MAN1A1: variants seen among roughly 807,000 people sequenced by gnomAD.
The protein encoded by MAN1A1 is mannosidase alpha class 1A member 1.
Under a neutral mutation model 70.8 loss-of-function variants are expected in MAN1A1, and 29 were observed. The observed-to-expected ratio is 0.41, with a 90% CI of 0.31 to 0.56. The LOEUF (loss-of-function observed/expected upper bound fraction) is 0.56, where lower values mean the gene tolerates loss of function less well. Ranked by LOEUF, MAN1A1 falls within the 20% of genes least tolerant of loss-of-function variation. The probability of loss-of-function intolerance (pLI) is 0.29; values close to 1 mark genes in which losing one functional copy is unlikely to be tolerated. For synonymous variants in MAN1A1, 349 were observed against 330.1 expected, an observed-to-expected ratio of 1.06 and a Z score of -0.62; for missense variants, 747 against 841.3, an observed-to-expected ratio of 0.89 and a Z score of 1.39.
At position 119,290,768 on chromosome 6, in the gene MAN1A1, G is replaced by T; in HGVS notation, c.817-5C>A. 2 of 1,588,416 alleles carry T rather than the reference G, an allele frequency of 1.3e-6. No individual in the cohort carries two copies. The highest frequency in any genetic ancestry group is 8.6e-7 in the Non-Finnish European group (1 of 1,162,116). ...AAAGACAGAAATTTCAGCATTCTAT[G>T]GAAAAAAAAAATTCAAACATGATGA... On this transcript the variant is annotated splice_region_variant and splice_polypyrimidine_tract_variant and intron_variant, in intron 4 of 12. Coordinates refer to ENST00000368468, the MANE Select transcript of MAN1A1 (RefSeq NM_005907.4).
intron 5 of MAN1A1, among the ~76,000 whole-genome samples, chr6:119,276,426 T>C (rs1776066535): frequency 1.3e-5 from 2 of 152,230 alleles, no homozygotes; most frequent in East Asian, 3.9e-4. Flanking sequence ...GCTTAACACA[T>C]TTGCTGAATA....
chr6:119,337,175 A>C (rs533149862), intron 2 of MAN1A1, among the ~76,000 whole-genome samples: 19 of 152,302 alleles, frequency 1.2e-4, no homozygotes, highest in African/African-American at 4.6e-4. Flanking sequence ...TCATTCTGGA[A>C]AACAACTTGA....
intron 9 of MAN1A1, among the ~76,000 whole-genome samples, chr6:119,190,086 T>C (rs928854438): frequency 2.0e-5 from 3 of 152,226 alleles, no homozygotes; most frequent in Admixed American, 2.0e-4. Context: ...TTAGTCAGAA[T>C]TAACACTGCT....
At chr6:119,203,162 C>T (rs754079442) in intron 7 of MAN1A1, among the ~76,000 whole-genome samples, 13 of 152,246 alleles carry the variant, frequency 8.5e-5, no homozygotes, top group East Asian at 1.9e-4. Flanking sequence ...AAATAAATTT[C>T]GGTTGTTTCT....
chr6:119,242,373 C>T (rs1459205649), intron 6 of MAN1A1, among the ~76,000 whole-genome samples: 2 of 152,068 alleles, frequency 1.3e-5, no homozygotes, highest in African/African-American at 2.4e-5. Context: ...AGCTTGAGCA[C>T]GGAGCCACCA....
At chr6:119,252,406 C>T (rs1050343693) in intron 5 of MAN1A1, among the ~76,000 whole-genome samples, 1 of 152,106 alleles carries the variant, frequency 6.6e-6, no homozygotes, top group Non-Finnish European at 1.5e-5. Context: ...TATTTGAGTT[C>T]AAAATGGGTG....
chr6:119,233,841 T>G (rs1774760005), intron 6 of MAN1A1, among the ~76,000 whole-genome samples: 1 of 152,224 alleles, frequency 6.6e-6, no homozygotes, highest in African/African-American at 2.4e-5. Context: ...GTATTGCGGA[T>G]TATGAGTTAT....
chr6:119,334,913 C>T (rs1487969070), intron 2 of MAN1A1, among the ~76,000 whole-genome samples: 1 of 152,200 alleles, frequency 6.6e-6, no homozygotes, highest in Non-Finnish European at 1.5e-5. Flanking sequence ...TCTTTCCTCC[C>T]CACATATCTG....
chr6:119,297,980 C>T (rs1437628922), intron 4 of MAN1A1, among the ~76,000 whole-genome samples: 1 of 151,770 alleles, frequency 6.6e-6, no homozygotes, highest in Non-Finnish European at 1.5e-5. Context: ...TCATTTCTTC[C>T]CTCCTGAGAT....
chr6:119,182,846 T>C (rs1773187110), intron 11 of MAN1A1, among the ~76,000 whole-genome samples: 1 of 152,196 alleles, frequency 6.6e-6, no homozygotes. Context: ...CTGTGGATCA[T>C]AATTCTGTCC....
intron 4 of MAN1A1, among the ~76,000 whole-genome samples, chr6:119,292,785 T>C (rs1387267796): frequency 6.6e-6 from 1 of 152,026 alleles, no homozygotes; most frequent in Non-Finnish European, 1.5e-5. Flanking sequence ...TATAATCTGA[T>C]TAAAAGTACT....
At chr6:119,268,902 T>C (rs752709379) in intron 5 of MAN1A1, among the ~76,000 whole-genome samples, 8 of 152,082 alleles carry the variant, frequency 5.3e-5, no homozygotes, top group Non-Finnish European at 1.2e-4. Context: ...AAAACAACTC[T>C]CTCATGAACG....
intron 5 of MAN1A1, among the ~76,000 whole-genome samples, chr6:119,260,094 A>G (rs1775566682): frequency 6.6e-6 from 1 of 152,216 alleles, no homozygotes; most frequent in African/African-American, 2.4e-5. Flanking sequence ...AGGGGTCAGC[A>G]AACATTTTCT....
At chr6:119,321,467 G>C (rs1200087363) in intron 2 of MAN1A1, among the ~76,000 whole-genome samples, 2 of 152,094 alleles carry the variant, frequency 1.3e-5, no homozygotes, top group Non-Finnish European at 2.9e-5. Flanking sequence ...AGGATCCTCT[G>C]TCAGGATTTA....
Position 119,193,766 on chromosome 6 carries a change from T to C in MAN1A1, c.1326+11A>G. The C allele has an allele frequency of 6.3e-7, 1 of 1,586,690 alleles. No individual in the cohort carries two copies. Among genetic ancestry groups the C allele is most frequent in the Non-Finnish European group, 8.6e-7 (1 of 1,157,676 alleles). On this transcript the variant is annotated intron_variant, in intron 9 of 12. Transcript: ENST00000368468. ...GGCTGAGTGGCAAAGATGATTTAAA[T>C]ATTGGGTTACCTGAACAGCATCAAA... is the stretch of plus-strand genomic sequence containing the variant.
chr6:119,241,697 G>A (rs1208279447), intron 6 of MAN1A1, among the ~76,000 whole-genome samples: 2 of 152,054 alleles, frequency 1.3e-5, no homozygotes, highest in Non-Finnish European at 2.9e-5. Context: ...ATAGGGAAAC[G>A]TTTTAAACCC....
At chr6:119,349,902 G>A, upstream of MAN1A1, 1 of 340,000 alleles carries the variant, frequency 2.9e-6, no homozygotes, top group African/African-American at 2.2e-5. Context: ...CGCGGGGCGG[G>A]GAGTTTACGG....
In MAN1A1 at chr6:119,214,726, C is replaced by T. The variant is rs116124874; in HGVS notation, c.993-9844G>A. On this transcript the variant is annotated intron_variant, in intron 6 of 12. Transcript: ENST00000368468. ...TCACCATGTTACCCAGGCTGGTCTC[C>T]AACTTGTGAGCTCAAGTGATCTGCC... is the stretch of plus-strand genomic sequence containing the variant. Among the ~76,000 whole-genome samples, 915 of 151,974 alleles carry T rather than the reference C, an allele frequency of 6.0e-3. 7 individuals are homozygous for T. The highest frequency in any genetic ancestry group is 0.021 in the African/African-American group (868 of 41,440).
At chr6:119,232,233 C>A (rs1002851262) in intron 6 of MAN1A1, among the ~76,000 whole-genome samples, 4 of 151,810 alleles carry the variant, frequency 2.6e-5, no homozygotes, top group African/African-American at 9.7e-5. Flanking sequence ...ATTAGCCGGG[C>A]GTGGTGGTGG....
Sources: allele counts gnomAD v4.1 joint callset (sites outside exome capture counted in the v4.1 genomes callset), GRCh38; gene constraint gnomAD v4.1.1; transcripts MANE v1.5; gene names NCBI Gene and HGNC (gene_info 2026-07-23, HGNC 2026-07-21).